The following ERC2 variants were observed in gnomAD, a reference collection of about 807,000 sequenced individuals.
The protein encoded by ERC2 is ELKS/RAB6-interacting/CAST family member 2.
In ERC2, 42 loss-of-function variants were observed where a neutral mutation model predicts 114.8. That is an observed-to-expected ratio of 0.37 (90% confidence interval 0.29 to 0.47). The LOEUF is 0.47. ERC2 is among the 20% of genes least tolerant of loss of function. ERC2 has a pLI of 0.99. For missense variants in ERC2, 939 were observed against 1,150.7 expected, an observed-to-expected ratio of 0.82 and a Z score of 2.66; for synonymous variants, 454 against 425.5, an observed-to-expected ratio of 1.07 and a Z score of -0.82.
At chr3:55,547,963 T>A (rs921751111) in intron 17 of ERC2, among the ~76,000 whole-genome samples, 12 of 152,182 alleles carry the variant, frequency 7.9e-5, no homozygotes, top group African/African-American at 2.9e-4. Context: ...AGGACCCCCA[T>A]GAGACAGGGC....
At chr3:56,046,023 A>T (rs1195157779) in intron 7 of ERC2, among the ~76,000 whole-genome samples, 1 of 152,214 alleles carries the variant, frequency 6.6e-6, no homozygotes, top group Non-Finnish European at 1.5e-5. Flanking sequence ...TGAGCCCCCG[A>T]CTAGAAGTGC....
intron 3 of ERC2, among the ~76,000 whole-genome samples, chr3:56,254,654 A>G (rs1010175163): frequency 1.3e-5 from 2 of 152,196 alleles, no homozygotes; most frequent in African/African-American, 4.8e-5. Context: ...CCGGGATCTG[A>G]AAGCCCAAAA....
At chr3:56,215,734 T>C (rs2049419115) in intron 3 of ERC2, among the ~76,000 whole-genome samples, 1 of 152,158 alleles carries the variant, frequency 6.6e-6, no homozygotes, top group Non-Finnish European at 1.5e-5. Context: ...ATTGACCACA[T>C]AGTTGGAAGT....
intron 3 of ERC2, among the ~76,000 whole-genome samples, chr3:56,237,902 T>G (rs2051064434): frequency 6.6e-6 from 1 of 151,866 alleles, no homozygotes; most frequent in African/African-American, 2.4e-5. Flanking sequence ...TTTTTTTTTT[T>G]TTTGCACTTT....
intron 2 of ERC2, among the ~76,000 whole-genome samples, chr3:56,341,761 T>A (rs1367100232): frequency 6.6e-6 from 1 of 152,128 alleles, no homozygotes; most frequent in Non-Finnish European, 1.5e-5. Context: ...GAAAGACCCC[T>A]CATTGCAACT....
chr3:55,599,803 T>C lies in ERC2; in HGVS notation c.*39+83991A>G, dbSNP rs373203375. On this transcript the variant is annotated intron_variant, in intron 17 of 17. Coordinates refer to ENST00000288221, the MANE Select transcript of ERC2 (RefSeq NM_015576.3). ...CAAATTATTTATTTTCACCTCAAGG[T>C]TGATCTTTAAAATTGAGTCTTGTGG... 7.2e-5 allele frequency among the ~76,000 whole-genome samples: 11 copies of C among 152,240 alleles called. No homozygotes were observed. The South Asian group carries it at 1.7e-3, about 23-fold the overall frequency.
chr3:55,954,327 GAATTA>G (rs992119052), intron 12 of ERC2, among the ~76,000 whole-genome samples: 9 of 152,182 alleles, frequency 5.9e-5, no homozygotes, highest in African/African-American at 1.9e-4. Flanking sequence ...CAAGGAATTT[GAATTA>G]AATTAAAAAT....
intron 10 of ERC2, among the ~76,000 whole-genome samples, chr3:55,998,563 T>G (rs191548226): frequency 2.4e-4 from 36 of 152,294 alleles, no homozygotes; most frequent in Admixed American, 2.0e-3. Context: ...TCTTAAATAG[T>G]TGTAACTTTC....
intron 13 of ERC2, among the ~76,000 whole-genome samples, chr3:55,919,416 G>A (rs1021720582): frequency 5.3e-5 from 8 of 152,208 alleles, no homozygotes; most frequent in South Asian, 4.1e-4. Context: ...CCAATGGAGC[G>A]CTATGCAGCA....
rs2051923563 is a variant in ERC2, at chr3:55,509,011, G to A, written c.*2305C>T. The A allele has an allele frequency of 6.6e-6, 1 of 152,594 alleles. No individual in the cohort carries two copies. The highest frequency in any genetic ancestry group is 2.1e-4 in the South Asian group (1 of 4,828). The allele number at this position is 152,594 out of a possible 1,614,324, so 9.5% of individuals were successfully genotyped here. On this transcript the variant is annotated 3_prime_UTR_variant, in exon 18 of 18. Coordinates refer to ENST00000288221, the MANE Select transcript of ERC2 (RefSeq NM_015576.3). ...GACTATTCTTAATATGTGAAAAAGG[G>A]ATATTTTTGGTAACCCCCAAACATC...
At chr3:55,807,710 G>A (rs1283892443) in intron 14 of ERC2, among the ~76,000 whole-genome samples, 1 of 152,182 alleles carries the variant, frequency 6.6e-6, no homozygotes, top group African/African-American at 2.4e-5. Context: ...GATGGATAAC[G>A]TGGTCTAGAA....
chr3:56,433,539 C>G (rs1207865211), intron 2 of ERC2, among the ~76,000 whole-genome samples: 1 of 152,170 alleles, frequency 6.6e-6, no homozygotes, highest in East Asian at 1.9e-4. Context: ...GGAGGCAGCA[C>G]AAGATAAGGC....
chr3:56,397,927 G>A (rs189765592), intron 2 of ERC2, among the ~76,000 whole-genome samples: 1 of 152,240 alleles, frequency 6.6e-6, no homozygotes, highest in East Asian at 1.9e-4. Context: ...GAAGAAGGGG[G>A]GACAAAAGAG....
chr3:55,614,943 A>G (rs547017443), intron 17 of ERC2, among the ~76,000 whole-genome samples: 4 of 152,392 alleles, frequency 2.6e-5, no homozygotes, highest in Admixed American at 6.5e-5. Context: ...TTTTCTCTCA[A>G]AAACAACCTA....
intron 2 of ERC2, among the ~76,000 whole-genome samples, chr3:56,380,893 T>A (rs913546645): frequency 3.9e-5 from 6 of 152,222 alleles, no homozygotes; most frequent in African/African-American, 1.4e-4. Context: ...TTTTAAATGA[T>A]AATTGACCAT....
chr3:56,271,211 TGGTTTTCCCA>T (rs2053634870), intron 3 of ERC2, among the ~76,000 whole-genome samples: 2 of 152,202 alleles, frequency 1.3e-5, no homozygotes, highest in Non-Finnish European at 2.9e-5. Context: ...GAACTCCTCC[TGGTTTTCCCA>T]GGATTTCCCC....
At position 55,625,618 on chromosome 3, in the gene ERC2, G is replaced by A. The variant is rs891888593; in HGVS notation, c.*39+58176C>T. On this transcript the variant is annotated intron_variant, in intron 17 of 17. Transcript: ENST00000288221. ...TACAAAAAATTAGCCGGGCGTGGTG[G>A]CGGGCGCCTGTAGTCCCAGCTACTC... Among the ~76,000 whole-genome samples, 3 of 152,016 alleles carry A rather than the reference G, an allele frequency of 2.0e-5. No homozygotes were observed. The South Asian group carries it at 6.2e-4, about 32-fold the overall frequency.
chr3:56,379,872 G>A (rs904069989), intron 2 of ERC2, among the ~76,000 whole-genome samples: 6 of 152,128 alleles, frequency 3.9e-5, no homozygotes, highest in African/African-American at 1.2e-4. Flanking sequence ...AACTGATGAC[G>A]ACAATGATGA....
chr3:56,107,644 TG>T (rs1297243506), intron 6 of ERC2, among the ~76,000 whole-genome samples: 1 of 152,202 alleles, frequency 6.6e-6, no homozygotes, highest in Non-Finnish European at 1.5e-5. Flanking sequence ...GCCACCCTTC[TG>T]ATTTTTTCAT....
Sources: gnomAD v4.1 joint callset for allele counts (sites outside exome capture counted in the v4.1 genomes callset) on GRCh38, gnomAD v4.1.1 for gene constraint, MANE v1.5 for transcripts, NCBI Gene and HGNC (gene_info 2026-07-23, HGNC 2026-07-21) for gene names.